Variants in ADGRE1 observed in about 807,000 individuals in gnomAD.
ADGRE1 encodes EGF-like module receptor 1.
In ADGRE1, 82 loss-of-function variants were observed where a neutral mutation model predicts 102.7. The observed-to-expected ratio is 0.80, with a 90% CI of 0.67 to 0.96. ADGRE1 has a LOEUF of 0.96. Among genes scored for constraint, ADGRE1 ranks in the 40% least tolerant of loss-of-function variants. The probability of loss-of-function intolerance (pLI) is 0.00; values close to 1 mark genes in which losing one functional copy is unlikely to be tolerated. For missense variants in ADGRE1, 1,032 were observed against 1,085.3 expected (o/e 0.95, Z 0.69); for synonymous variants, 398 against 399.6 (o/e 1.00, Z 0.05).
chr19:6,901,587 A>G (rs1049424584), intron 5 of ADGRE1, among the ~76,000 whole-genome samples: 1 of 152,346 alleles, frequency 6.6e-6, no homozygotes, highest in Admixed American at 6.5e-5. Context: ...AGAGAAGTAA[A>G]GGACTATGGC....
At chr19:6,921,680 A>T (rs771903132) in intron 13 of ADGRE1, 33 bp from the exon 14 acceptor site, 1 of 1,522,442 alleles carries the variant, frequency 6.6e-7, no homozygotes, top group Non-Finnish European at 8.8e-7. Flanking sequence ...TTCCCAGAAG[A>T]CCTTTGTTTT....
chr19:6,937,705 T>C, intron 20 of ADGRE1, 57 bp downstream of exon 20: 3 of 1,534,460 alleles, frequency 2.0e-6, no homozygotes, highest in Non-Finnish European at 2.7e-6. Context: ...GGCCTCTTGG[T>C]GACACTCAGC....
intron 16 of ADGRE1, among the ~76,000 whole-genome samples, chr19:6,927,632 A>T (rs1324163568): frequency 6.6e-6 from 1 of 151,862 alleles, no homozygotes; most frequent in African/African-American, 2.4e-5. Flanking sequence ...GTGACATTTG[A>T]GCTGAGATTT....
At chr19:6,915,547 C>T (rs1320830990) in intron 11 of ADGRE1, among the ~76,000 whole-genome samples, 2 of 152,100 alleles carry the variant, frequency 1.3e-5, no homozygotes, top group Non-Finnish European at 2.9e-5. Context: ...TCCCAGTTAC[C>T]ACCATCTGAC....
chr19:6,929,486 C>T (rs1463254071), intron 17 of ADGRE1, among the ~76,000 whole-genome samples: 1 of 151,532 alleles, frequency 6.6e-6, no homozygotes, highest in Non-Finnish European at 1.5e-5. Flanking sequence ...TTACTGTCTA[C>T]ATGGTTTACA....
intron 18 of ADGRE1, among the ~76,000 whole-genome samples, chr19:6,936,691 C>G (rs535323285): frequency 2.4e-4 from 36 of 150,722 alleles, no homozygotes; most frequent in Non-Finnish European, 3.7e-4. Context: ...GGCACGGTCT[C>G]GACTCACTGC....
At chr19:6,892,099 C>T (rs377108037) in intron 2 of ADGRE1, among the ~76,000 whole-genome samples, 11 of 152,122 alleles carry the variant, frequency 7.2e-5, no homozygotes, top group East Asian at 5.8e-4. Flanking sequence ...AAACTTACAG[C>T]ATTAAGAGAC....
At chr19:6,912,641 C>A (rs1217620334) in intron 10 of ADGRE1, among the ~76,000 whole-genome samples, 1 of 152,178 alleles carries the variant, frequency 6.6e-6, no homozygotes, top group East Asian at 1.9e-4. Context: ...GGCTCAGAGA[C>A]CCTTTTGCTT....
chr19:6,908,165 A>G (rs1974038824), intron 9 of ADGRE1, among the ~76,000 whole-genome samples: 1 of 152,254 alleles, frequency 6.6e-6, no homozygotes, highest in South Asian at 2.1e-4. Context: ...TGCCTTAAGG[A>G]CATGCTCCTG....
chr19:6,897,938 CTT>C (rs1973626961), intron 5 of ADGRE1: 1 of 177,922 alleles, frequency 5.6e-6, no homozygotes. Flanking sequence ...TCCTTCCTTC[CTT>C]CCTTCCTTCC....
intron 17 of ADGRE1, 49 bp downstream of exon 17, chr19:6,928,260 C>T: frequency 6.2e-7 from 1 of 1,613,830 alleles, no homozygotes; most frequent in Non-Finnish European, 8.5e-7. Context: ...GAAGGAGGAG[C>T]AAGGAGACCT....
intron 17 of ADGRE1, among the ~76,000 whole-genome samples, chr19:6,932,634 CAT>C (rs1413634894): frequency 6.6e-6 from 1 of 152,116 alleles, no homozygotes; most frequent in Non-Finnish European, 1.5e-5. Flanking sequence ...ATAGCTTCTC[CAT>C]TGCACTCAGG....
intron 2 of ADGRE1, chr19:6,895,886 C>G (rs1973529876): frequency 6.6e-6 from 1 of 152,416 alleles, no homozygotes; most frequent in African/African-American, 2.4e-5. Context: ...GTTGCTGTAT[C>G]CGTTTCCTAG....
chr19:6,902,396 T>C (rs751759381), intron 6 of ADGRE1, among the ~76,000 whole-genome samples: 15 of 150,648 alleles, frequency 1.0e-4, no homozygotes, highest in Non-Finnish European at 1.9e-4. Context: ...TGTGCCTCTT[T>C]TTGTTTGTTT....
At chr19:6,889,751 A>G (rs1467658018) in intron 1 of ADGRE1, among the ~76,000 whole-genome samples, 1 of 151,354 alleles carries the variant, frequency 6.6e-6, no homozygotes, top group Non-Finnish European at 1.5e-5. Context: ...ATGAAATGTT[A>G]ATACTACAGA....
intron 18 of ADGRE1, among the ~76,000 whole-genome samples, chr19:6,936,710 C>T (rs1445562188): frequency 6.6e-6 from 1 of 151,742 alleles, no homozygotes; most frequent in African/African-American, 2.4e-5. Context: ...GCAACCTCCG[C>T]CTCCCAGGTT....
intron 2 of ADGRE1, among the ~76,000 whole-genome samples, chr19:6,893,900 A>G (rs557331770): frequency 9.2e-5 from 14 of 152,112 alleles, no homozygotes; most frequent in Admixed American, 2.6e-4. Context: ...CGGAAGAACT[A>G]TTTTCTTACT....
intron 14 of ADGRE1, 109 bp downstream of exon 14, chr19:6,921,992 G>C (rs1315766080): frequency 7.5e-7 from 1 of 1,336,602 alleles, no homozygotes; most frequent in African/African-American, 1.4e-5. Flanking sequence ...GGGTGTTGTG[G>C]GATGGAGTCA....
chr19:6,890,421 GTTTTTTTTT>G, intron 1 of ADGRE1, 51 bp from the exon 2 acceptor site: 5 of 450,544 alleles, frequency 1.1e-5, no homozygotes, highest in East Asian at 1.2e-4. Context: ...AGCCCAAAAG[GTTTTTTTTT>G]TTTTTTTTTT....
Sources: allele counts gnomAD v4.1 joint callset (sites outside exome capture counted in the v4.1 genomes callset), GRCh38; gene constraint gnomAD v4.1.1; transcripts MANE v1.5; gene names NCBI Gene and HGNC (gene_info 2026-07-23, HGNC 2026-07-21).